ADAMTS6: variants seen among roughly 807,000 people sequenced by gnomAD.
ADAMTS6 encodes the protein ADAM metallopeptidase with thrombospondin type 1 motif 6.
ADAMTS6 carries 23 observed loss-of-function variants against 144.3 expected under a neutral mutation model. That is an observed-to-expected ratio of 0.16 (90% CI 0.11 to 0.23). The LOEUF (loss-of-function observed/expected upper bound fraction) is 0.23. Among genes scored for constraint, ADAMTS6 ranks in the 10% least tolerant of loss-of-function variants. ADAMTS6 has a pLI of 1.00. For missense variants in ADAMTS6, 999 were observed against 1,379.6 expected (o/e 0.72, Z 4.37); for synonymous variants, 444 against 457.5 (o/e 0.97, Z 0.38).
chr5:65,455,734 C>A lies in ADAMTS6; in HGVS notation c.632-2816G>T, dbSNP rs751907705. Among the ~76,000 whole-genome samples, 27 of 151,626 alleles carry A rather than the reference C, an allele frequency of 1.8e-4. 1 individual carries two copies. The highest frequency in any genetic ancestry group is 7.9e-4 in the Admixed American group (12 of 15,184). ...AGGACAATTGCTTGAACCTGGGAGG[C>A]GGAGGTTGCAGTGAGCTGAGATGGC... On this transcript the variant is annotated intron_variant, in intron 4 of 24. Coordinates refer to ENST00000381055, the MANE Select transcript of ADAMTS6 (RefSeq NM_197941.4).
At chr5:65,345,501 A>G (rs1455447234) in intron 7 of ADAMTS6, among the ~76,000 whole-genome samples, 2 of 151,716 alleles carry the variant, frequency 1.3e-5, no homozygotes, top group African/African-American at 2.4e-5. Context: ...TTAGTGAATC[A>G]AAAAAATTAA....
chr5:65,318,290 AT>A (rs1379019022), intron 9 of ADAMTS6, among the ~76,000 whole-genome samples: 1 of 152,178 alleles, frequency 6.6e-6, no homozygotes, highest in East Asian at 1.9e-4. Context: ...GGGAATGTAA[AT>A]TAGTACAGCC....
At chr5:65,168,979 G>A (rs1419152091) in intron 24 of ADAMTS6, among the ~76,000 whole-genome samples, 2 of 141,448 alleles carry the variant, frequency 1.4e-5, no homozygotes, top group African/African-American at 5.3e-5. Context: ...GCGTGGGCAA[G>A]GACTTCATGT....
Position 65,266,620 on chromosome 5 carries a change from CTCTTT to C in ADAMTS6, c.1621-3663_1621-3659del, listed in dbSNP as rs1466660716. Among the ~76,000 whole-genome samples the C allele has an allele frequency of 1.7e-4, 26 of 152,026 alleles. 1 individual carries two copies. Among genetic ancestry groups the C allele is most frequent in the Middle Eastern group, 6.8e-3 (2 of 294 alleles). ...CCAAAGCAAGTCACTTTTCTTTCTTCTCTTTTGTTTCCTTAACTATAAAATGGAAA... is the reference window on the plus strand; with the variant it reads ...CCAAAGCAAGTCACTTTTCTTTCTTCTGTTTCCTTAACTATAAAATGGAAA... On this transcript the variant is annotated intron_variant, in intron 12 of 24. Coordinates refer to ENST00000381055, the MANE Select transcript of ADAMTS6 (RefSeq NM_197941.4).
chr5:65,211,648 C>A (rs1284173094), intron 20 of ADAMTS6, among the ~76,000 whole-genome samples: 1 of 151,778 alleles, frequency 6.6e-6, no homozygotes, highest in African/African-American at 2.4e-5. Context: ...ACAAAAAAAA[C>A]AAAGTAAAAA....
At chr5:65,411,634 G>A (rs965684995) in intron 7 of ADAMTS6, among the ~76,000 whole-genome samples, 3 of 152,086 alleles carry the variant, frequency 2.0e-5, no homozygotes, top group Non-Finnish European at 4.4e-5. Context: ...CACAGGTAGG[G>A]AAAAACATAA....
At chr5:65,475,007 T>G (rs1037357514) in intron 1 of ADAMTS6, among the ~76,000 whole-genome samples, 2 of 152,048 alleles carry the variant, frequency 1.3e-5, no homozygotes, top group African/African-American at 4.8e-5. Flanking sequence ...GGTAAGTTAC[T>G]GTTAGTAAGT....
intron 7 of ADAMTS6, among the ~76,000 whole-genome samples, chr5:65,355,958 C>T (rs1749281631): frequency 6.6e-6 from 1 of 151,746 alleles, no homozygotes; most frequent in South Asian, 2.1e-4. Flanking sequence ...CTGTTATCCC[C>T]TAATTTTATT....
At chr5:65,467,023 A>G (rs905058861) in intron 3 of ADAMTS6, among the ~76,000 whole-genome samples, 2 of 150,312 alleles carry the variant, frequency 1.3e-5, no homozygotes, top group Non-Finnish European at 2.9e-5. Context: ...CCTGGGCGAC[A>G]GAGCAGACTC....
intron 18 of ADAMTS6, among the ~76,000 whole-genome samples, chr5:65,223,782 A>G (rs1293854473): frequency 6.6e-6 from 1 of 151,130 alleles, no homozygotes; most frequent in East Asian, 1.9e-4. Context: ...GTGAGTGTAG[A>G]TATCTCTTTG....
chr5:65,358,951 A>G (rs1012851979), intron 7 of ADAMTS6, among the ~76,000 whole-genome samples: 7 of 152,144 alleles, frequency 4.6e-5, no homozygotes, highest in African/African-American at 7.2e-5. Context: ...GAAAAACTCT[A>G]CAACACTGGT....
chr5:65,170,172 A>G (rs1210440913), intron 24 of ADAMTS6, among the ~76,000 whole-genome samples: 1 of 152,236 alleles, frequency 6.6e-6, no homozygotes, highest in Non-Finnish European at 1.5e-5. Context: ...TTAAAATGCA[A>G]GTAGTTTCAA....
At chr5:65,319,259 T>C (rs1464183355) in intron 9 of ADAMTS6, among the ~76,000 whole-genome samples, 1 of 152,130 alleles carries the variant, frequency 6.6e-6, no homozygotes, top group Non-Finnish European at 1.5e-5. Context: ...GCTAATTTTA[T>C]GAAAGAAGAG....
At chr5:65,471,316 T>C (rs1760414775) in intron 2 of ADAMTS6, among the ~76,000 whole-genome samples, 174 bp from the exon 3 acceptor site, 1 of 152,130 alleles carries the variant, frequency 6.6e-6, no homozygotes, top group Non-Finnish European at 1.5e-5. Context: ...AGAATAAAAG[T>C]TTAAAATCTG....
intron 15 of ADAMTS6, among the ~76,000 whole-genome samples, chr5:65,230,017 C>A (rs1023203223): frequency 6.6e-6 from 1 of 151,870 alleles, no homozygotes; most frequent in African/African-American, 2.4e-5. Context: ...AAAAAAGATT[C>A]ATAACATACA....
At chr5:65,203,408 T>G (rs1755872028) in intron 20 of ADAMTS6, among the ~76,000 whole-genome samples, 1 of 152,076 alleles carries the variant, frequency 6.6e-6, no homozygotes, top group Admixed American at 6.6e-5. Flanking sequence ...AAAGGATTAG[T>G]TATATTATAC....
intron 22 of ADAMTS6, among the ~76,000 whole-genome samples, chr5:65,174,445 C>T (rs561059714): frequency 6.6e-6 from 1 of 152,206 alleles, no homozygotes; most frequent in South Asian, 2.1e-4. Flanking sequence ...CCTGGGTAGG[C>T]AATTGGCCTG....
At chr5:65,156,057 A>C (rs1190069426) in intron 24 of ADAMTS6, among the ~76,000 whole-genome samples, 1 of 152,218 alleles carries the variant, frequency 6.6e-6, no homozygotes, top group Non-Finnish European at 1.5e-5. Flanking sequence ...ATTACAGAAA[A>C]CTGAAAGTAA....
At chr5:65,370,452 G>A (rs1486325581) in intron 7 of ADAMTS6, among the ~76,000 whole-genome samples, 1 of 152,184 alleles carries the variant, frequency 6.6e-6, no homozygotes, top group Non-Finnish European at 1.5e-5. Context: ...GAGAGGCATT[G>A]CCTCACCTGG....
Sources: gnomAD v4.1 joint callset for allele counts (sites outside exome capture counted in the v4.1 genomes callset) on GRCh38, gnomAD v4.1.1 for gene constraint, MANE v1.5 for transcripts, NCBI Gene and HGNC (gene_info 2026-07-23, HGNC 2026-07-21) for gene names.